Variants in TASOR observed in about 807,000 individuals in gnomAD.
TASOR encodes the protein transcription activation suppressor, also known as protein TASOR.
TASOR carries 53 observed loss-of-function variants against 178.6 expected under a neutral mutation model. The observed-to-expected ratio is 0.30, with a 90% confidence interval of 0.24 to 0.37. The LOEUF (loss-of-function observed/expected upper bound fraction) is 0.37, where lower values mean the gene tolerates loss of function less well. Among genes scored for constraint, TASOR ranks in the 10% least tolerant of loss-of-function variants. The probability of loss-of-function intolerance (pLI) is 1.00; values close to 1 mark genes in which losing one functional copy is unlikely to be tolerated. For synonymous variants in TASOR, 713 were observed against 696.2 expected (o/e 1.02, Z -0.38); for missense variants, 1,815 against 1,971.4 (o/e 0.92, Z 1.50).
At chr3:56,682,404 T>G (rs1165959655) in intron 1 of TASOR, among the ~76,000 whole-genome samples, 1 of 152,084 alleles carries the variant, frequency 6.6e-6, no homozygotes, top group African/African-American at 2.4e-5. Flanking sequence ...GAGCACCATC[T>G]TTCCTCTCTG....
At chr3:56,623,608 CAGTTTGTTTA>C (rs917884597) in intron 23 of TASOR, 42 bp from the exon 24 acceptor site, 2 of 1,543,178 alleles carry the variant, frequency 1.3e-6, no homozygotes, top group African/African-American at 2.8e-5. Flanking sequence ...TTGAAATACA[CAGTTTGTTTA>C]AGTTTTAAAA....
intron 21 of TASOR, among the ~76,000 whole-genome samples, chr3:56,625,503 C>T (rs1159558738): frequency 2.0e-5 from 3 of 152,060 alleles, no homozygotes; most frequent in Non-Finnish European, 4.4e-5. Flanking sequence ...CACAATTAGC[C>T]GGATGAGGTG....
In TASOR at chr3:56,641,540, G is replaced by C. The variant is rs2077124840; in HGVS notation, c.2428C>G (p.Gln810Glu). 3 of 1,614,118 alleles carry C rather than the reference G, an allele frequency of 1.9e-6. No individual in the cohort carries two copies. The East Asian group carries it at 6.7e-5, about 36-fold the overall frequency. The change falls in exon 15 of 24, where the codon CAA becomes GAA. Residue 810 changes from glutamine (Q) to glutamate (E), a missense_variant. By Grantham distance (29) the Gln-to-Glu change is conservative. Transcript: ENST00000683822. ...GAGTTCAACTCATACTCATGTTTTT[G>C]CCTCAGCTCTTCATAGGCATCATCA... is the stretch of plus-strand genomic sequence containing the variant. ...STDDAYEELRQKHEYELNSTP... is the reference protein window; with the variant it reads ...STDDAYEELREKHEYELNSTP...
chr3:56,669,978 G>T, intron 4 of TASOR, 95 bp downstream of exon 4: 1 of 941,832 alleles, frequency 1.1e-6, no homozygotes, highest in South Asian at 1.7e-5. Flanking sequence ...AATAAAGCAT[G>T]AATTTAATAA....
intron 23 of TASOR, among the ~76,000 whole-genome samples, chr3:56,624,121 C>T (rs951692121): frequency 2.0e-5 from 3 of 152,054 alleles, no homozygotes; most frequent in Non-Finnish European, 4.4e-5. Flanking sequence ...AATGCTAAAT[C>T]GCCATATCTG....
chr3:56,658,946 CTGTGTGTGTG>C (rs58622702), intron 11 of TASOR, among the ~76,000 whole-genome samples: 8,159 of 147,394 alleles, frequency 0.055, 297 homozygotes, highest in Admixed American at 0.12. Flanking sequence ...GAGAGAGAGA[CTGTGTGTGTG>C]TGTGTGTGTG....
rs931687825 is a variant in TASOR at position 56,673,740 on chromosome 3, C to A, written c.332-15G>T. On this transcript the variant is annotated splice_polypyrimidine_tract_variant and intron_variant, in intron 1 of 23. Transcript: ENST00000683822. ...CTGGAAAAGTGCTAAAATAAAAAAA[C>A]AAACATTTAAAATGTTTAACATTAC... The A allele has an allele frequency of 3.3e-6, 5 of 1,533,570 alleles. No homozygotes were observed. The highest frequency in any genetic ancestry group is 1.2e-5 in the South Asian group (1 of 80,536). 95.0% of individuals were successfully genotyped at this position (1,533,570 alleles called of 1,614,324 possible). A position where few individuals can be genotyped will look rare whatever the true frequency, so the allele number is the denominator to read the frequency against.
At position 56,622,765 on chromosome 3, in the gene TASOR, C is replaced by T. The variant is rs548302254; in HGVS notation, c.*272G>A. On this transcript the variant is annotated 3_prime_UTR_variant, in exon 24 of 24. Transcript: ENST00000683822. ...GTCCTCCTGCAAGCATCTGATTTTA[C>T]ACATAAAACAGGCTTCAATTTGAAG... is the stretch of plus-strand genomic sequence containing the variant. The T allele has an allele frequency of 9.1e-5, 21 of 229,722 alleles. No homozygotes were observed. The highest frequency in any genetic ancestry group is 4.0e-4 in the African/African-American group (18 of 44,500). The allele number at this position is 229,722 out of a possible 1,614,324, so 14.2% of individuals were successfully genotyped here.
chr3:56,673,053 C>G (rs919874268), intron 2 of TASOR, among the ~76,000 whole-genome samples: 10 of 152,188 alleles, frequency 6.6e-5, no homozygotes, highest in Non-Finnish European at 1.3e-4. Context: ...TCAAGCGACC[C>G]GTCCACCTCG....
intron 14 of TASOR, among the ~76,000 whole-genome samples, chr3:56,644,609 TA>T (rs2077196905): frequency 6.6e-6 from 1 of 152,070 alleles, no homozygotes; most frequent in African/African-American, 2.4e-5. Flanking sequence ...AACAAAGCCT[TA>T]AAAAGCAAGT....
chr3:56,658,743 C>G (rs1459633080), intron 11 of TASOR, among the ~76,000 whole-genome samples: 2 of 152,116 alleles, frequency 1.3e-5, no homozygotes, highest in Non-Finnish European at 2.9e-5. Flanking sequence ...CCCGTCTCTA[C>G]TAAAAATACA....
chr3:56,621,345 C>G lies in TASOR; in HGVS notation c.*1692G>C, dbSNP rs2076584576. The G allele has an allele frequency of 2.5e-6, 1 of 401,866 alleles. No homozygotes were observed. The highest frequency in any genetic ancestry group is 4.4e-6 in the Non-Finnish European group (1 of 224,762). The allele number at this position is 401,866 out of a possible 1,614,324, so 24.9% of individuals were successfully genotyped here. ...TTGATTTTTATGCTAAAAACAGAATCTTACAAATGTGATAGCTATATATCC... is the reference window on the plus strand; with the variant it reads ...TTGATTTTTATGCTAAAAACAGAATGTTACAAATGTGATAGCTATATATCC... On this transcript the variant is annotated 3_prime_UTR_variant, in exon 24 of 24. Coordinates refer to ENST00000683822, the MANE Select transcript of TASOR (RefSeq NM_001365635.2).
Position 56,624,431 on chromosome 3 carries a change from C to T in TASOR, c.4483+48G>A, listed in dbSNP as rs549135591. 1.5e-5 allele frequency: 24 copies of T among 1,583,856 alleles called. No individual in the cohort carries two copies. The East Asian group carries it at 4.7e-4, about 31-fold the overall frequency. On this transcript the variant is annotated intron_variant, in intron 23 of 23. Transcript: ENST00000683822. ...TTATTTGGTAACAGCAAAACCATTCCTCTTTTTCTGTCTGCGTTAAAGAAA... is the reference window on the plus strand; with the variant it reads ...TTATTTGGTAACAGCAAAACCATTCTTCTTTTTCTGTCTGCGTTAAAGAAA...
rs1482564363 is a variant in TASOR, at chr3:56,662,484, T to C, written c.1061A>G (p.Tyr354Cys). 29 of 1,459,628 alleles carry C rather than the reference T, an allele frequency of 2.0e-5. 1 individual carries two copies. In the South Asian group the frequency reaches 2.9e-4, roughly 15 times the overall value. The allele number at this position is 1,459,628 out of a possible 1,614,324, so 90.4% of individuals were successfully genotyped here. A position where few individuals can be genotyped will look rare whatever the true frequency, so the allele number is the denominator to read the frequency against. ...CTGTCCTTTCCACAAGGTATAGTTATATTTATCTAAATAAAAAGAATATAA... is the reference window on the plus strand; with the variant it reads ...CTGTCCTTTCCACAAGGTATAGTTACATTTATCTAAATAAAAAGAATATAA... Reference protein sequence around the residue: ...SFNTDRNIDKYNYTLWKGQLL... With the variant: ...SFNTDRNIDKCNYTLWKGQLL... The change falls in exon 9 of 24, where the codon TAT becomes TGT. Residue 354 changes from tyrosine (Y) to cysteine (C), a missense_variant. Around this residue, in one of 5 missense-constraint regions of TASOR, gnomAD observed 504 missense variants for 645.3 expected, o/e 0.78. Coordinates refer to ENST00000683822, the MANE Select transcript of TASOR (RefSeq NM_001365635.2).
In TASOR at chr3:56,623,412, T is replaced by C; in HGVS notation, c.4638A>G (p.Gln1546=). The C allele has an allele frequency of 6.2e-7, 1 of 1,613,786 alleles. No homozygotes were observed. Among genetic ancestry groups the C allele is most frequent in the Non-Finnish European group, 8.5e-7 (1 of 1,179,960 alleles). The part of the protein sequence containing the change: ...SRGTDQKKNT[Q]IELQSSPDVQ... ...CATCAGGAGACGATTGCAACTCAAT[T>C]TGAGTATTCTTTTTTTGATCTGTTC... The change falls in exon 24 of 24, where the codon CAA becomes CAG. Residue 1546 remains glutamine (Q), a synonymous_variant. Coordinates refer to ENST00000683822, the MANE Select transcript of TASOR (RefSeq NM_001365635.2).
chr3:56,660,977 G>T lies in TASOR; in HGVS notation c.1201C>A (p.His401Asn). The T allele has an allele frequency of 6.2e-7, 1 of 1,610,290 alleles. No homozygotes were observed. Among genetic ancestry groups the T allele is most frequent in the Non-Finnish European group, 8.5e-7 (1 of 1,176,934 alleles). The change falls in exon 10 of 24, where the codon CAT (histidine) becomes AAT (asparagine). Residue 401 changes from histidine to asparagine, a missense_variant. Physicochemically the swap from His to Asn is moderately conservative, Grantham distance 68. Around this residue, in one of 5 missense-constraint regions of TASOR, gnomAD observed 504 missense variants for 645.3 expected, o/e 0.78. Coordinates refer to ENST00000683822, the MANE Select transcript of TASOR (RefSeq NM_001365635.2). ...LDVETVMSID[H>N]LKQKIPPALF... ...GCTGGAGGGATTTTCTGTTTCAGAT[G>T]ATCAATACTCATAACTGTTTCAACA...
chr3:56,623,450 T>TAAA lies in TASOR; in HGVS notation c.4599_4600insTTT (p.Thr1533_Lys1534insPhe), dbSNP rs1260337422. ...TTTTGATCTGTTCCACGTGATCCTT[T>TAAA]GGTCTCTTTCTCCCATATTTCTGAA... On this transcript the variant is annotated inframe_insertion, in exon 24 of 24. Transcript: ENST00000683822. 1.9e-6 allele frequency: 3 copies of TAAA among 1,613,628 alleles called. No individual in the cohort carries two copies. The Admixed American group carries it at 5.0e-5, about 27-fold the overall frequency.
chr3:56,652,302 G>A (rs1272319202), intron 11 of TASOR, among the ~76,000 whole-genome samples: 2 of 152,074 alleles, frequency 1.3e-5, no homozygotes, highest in Non-Finnish European at 1.5e-5. Flanking sequence ...TAAAATGGCT[G>A]GGCACGGTGG....
chr3:56,667,175 C>A (rs1297928177), intron 6 of TASOR, among the ~76,000 whole-genome samples: 1 of 152,146 alleles, frequency 6.6e-6, no homozygotes, highest in African/African-American at 2.4e-5. Context: ...AGAGGGTAAT[C>A]AAATGAGTCA....
Sources: allele counts gnomAD v4.1 joint callset (sites outside exome capture counted in the v4.1 genomes callset), GRCh38; gene constraint gnomAD v4.1.1; regional missense constraint gnomAD v4.1.1; transcripts MANE v1.5; gene names NCBI Gene and HGNC (gene_info 2026-07-23, HGNC 2026-07-21).